Variants in AIG1 observed in about 807,000 individuals in gnomAD.
AIG1 encodes androgen-induced gene 1 protein.
Under a neutral mutation model 31.4 loss-of-function variants are expected in AIG1, and 23 were observed. The ratio of observed to expected loss-of-function variants is 0.73; its 90% CI spans 0.53 to 1.04. The LOEUF (loss-of-function observed/expected upper bound fraction) is 1.04. AIG1 is among the 50% of genes least tolerant of loss of function. The pLI, the probability that AIG1 is intolerant of heterozygous loss-of-function variation, is 0.00. For missense variants in AIG1, 274 were observed against 295.0 expected (o/e 0.93, Z 0.52); for synonymous variants, 100 against 110.5 (o/e 0.90, Z 0.60).
intron 2 of AIG1, among the ~76,000 whole-genome samples, chr6:143,147,845 GA>G (rs1363089184): frequency 6.6e-6 from 1 of 152,104 alleles, no homozygotes; most frequent in African/African-American, 2.4e-5. Flanking sequence ...CCAAGAGCCT[GA>G]AAAATGGAAT....
chr6:143,341,935 T>C (rs1777865258), downstream of AIG1, among the ~76,000 whole-genome samples: 1 of 152,202 alleles, frequency 6.6e-6, no homozygotes, highest in Admixed American at 6.5e-5. Context: ...AAATTTTTTT[T>C]TGTTTTTGAA....
At chr6:143,200,543 T>C (rs769889809) in intron 3 of AIG1, among the ~76,000 whole-genome samples, 6 of 152,144 alleles carry the variant, frequency 3.9e-5, no homozygotes, top group Admixed American at 1.3e-4. Context: ...TTGACTTCCA[T>C]TCATCTTTCA....
rs139130771 is a variant in AIG1, at chr6:143,297,489, CTTGGGTGGTTGGATGGATGG to C, written c.515+13301_515+13320del. Among the ~76,000 whole-genome samples, 66,929 of 149,890 alleles carry C rather than the reference CTTGGGTGGTTGGATGGATGG, an allele frequency of 0.45. 15,322 individuals carry two copies. The highest frequency in any genetic ancestry group is 0.66 in the South Asian group (3,097 of 4,686). On this transcript the variant is annotated intron_variant, in intron 4 of 5. Coordinates refer to ENST00000357847, the MANE Select transcript of AIG1 (RefSeq NM_016108.4). This position sits in a 1 kb window ranked among gnomAD's most constrained non-coding sequence, Gnocchi z 5.1. ...GGTTGGTTGGTTGGTTGGATGGTTT[CTTGGGTGGTTGGATGGATGG>C]TTGGGTGGTTGGATGGATGGTTGGG...
At chr6:143,137,166 G>T (rs1783838107) in intron 2 of AIG1, among the ~76,000 whole-genome samples, 176 bp downstream of exon 2, 1 of 152,168 alleles carries the variant, frequency 6.6e-6, no homozygotes, top group Non-Finnish European at 1.5e-5. Context: ...TCGTAGTTCT[G>T]GAGGCTGAAG....
intron 3 of AIG1, among the ~76,000 whole-genome samples, chr6:143,225,234 C>G (rs924416683): frequency 1.3e-5 from 2 of 152,178 alleles, no homozygotes; most frequent in Admixed American, 1.3e-4. Context: ...AGCTCTCCCC[C>G]ACCCTAAATT....
At chr6:143,070,369 G>A (rs1777136515) in intron 1 of AIG1, among the ~76,000 whole-genome samples, 1 of 151,946 alleles carries the variant, frequency 6.6e-6, no homozygotes, top group Admixed American at 6.6e-5. Flanking sequence ...GTAGTTTTCA[G>A]CATATAGTTT....
chr6:143,249,127 G>T (rs1028280701), intron 3 of AIG1, among the ~76,000 whole-genome samples: 6 of 152,180 alleles, frequency 3.9e-5, no homozygotes, highest in African/African-American at 1.2e-4. Context: ...TAAATACATT[G>T]CAGTTTTTAC....
chr6:143,227,376 TGCCCCGTGCCCC>T (rs1793068882), intron 3 of AIG1, among the ~76,000 whole-genome samples: 1 of 151,970 alleles, frequency 6.6e-6, no homozygotes, highest in African/African-American at 2.4e-5. Flanking sequence ...CCCGTGCCCC[TGCCCCGTGCCCC>T]TCCTTCATCC....
At chr6:143,092,705 A>G (rs892232089) in intron 1 of AIG1, among the ~76,000 whole-genome samples, 4 of 152,102 alleles carry the variant, frequency 2.6e-5, no homozygotes, top group African/African-American at 9.7e-5. Context: ...CCTCAACTTC[A>G]AGTCACCAGT....
intron 1 of AIG1, among the ~76,000 whole-genome samples, chr6:143,128,606 T>C (rs1782907409): frequency 6.6e-6 from 1 of 152,228 alleles, no homozygotes; most frequent in African/African-American, 2.4e-5. Context: ...AGTCGAATAA[T>C]ACTTCAAGGT....
chr6:143,157,155 A>T (rs574494658), intron 2 of AIG1, among the ~76,000 whole-genome samples: 7 of 152,276 alleles, frequency 4.6e-5, no homozygotes, highest in Non-Finnish European at 8.8e-5. Context: ...AATGAAATTA[A>T]AAAACCTTTT....
intron 1 of AIG1, among the ~76,000 whole-genome samples, chr6:143,092,256 C>T (rs180841584): frequency 6.0e-5 from 9 of 151,112 alleles, no homozygotes; most frequent in African/African-American, 1.9e-4. Flanking sequence ...AGGTGTGCAT[C>T]ACCATGCTGG....
intron 2 of AIG1, among the ~76,000 whole-genome samples, chr6:143,158,210 A>C (rs1785988064): frequency 6.6e-6 from 1 of 152,162 alleles, no homozygotes. Flanking sequence ...GTACACCCAC[A>C]TCCTGCTCTG....
intron 1 of AIG1, among the ~76,000 whole-genome samples, chr6:143,113,048 C>A (rs1781424290): frequency 6.6e-6 from 1 of 152,022 alleles, no homozygotes. Flanking sequence ...GCTGACTGGG[C>A]ATGGTGGCTC....
chr6:143,186,397 T>G (rs1287793211), intron 3 of AIG1, among the ~76,000 whole-genome samples: 1 of 152,238 alleles, frequency 6.6e-6, no homozygotes, highest in East Asian at 1.9e-4. Context: ...TTCAGATATG[T>G]GTAAACCTGG....
At chr6:143,131,050 C>A (rs932150397) in intron 1 of AIG1, among the ~76,000 whole-genome samples, 1 of 152,156 alleles carries the variant, frequency 6.6e-6, no homozygotes, top group Non-Finnish European at 1.5e-5. Flanking sequence ...TTTTAACCAA[C>A]GTTACATTTA....
chr6:143,082,787 A>C (rs1778391149), intron 1 of AIG1, among the ~76,000 whole-genome samples: 2 of 151,640 alleles, frequency 1.3e-5, no homozygotes, highest in South Asian at 4.2e-4. Context: ...CTGTGTAAGG[A>C]CTCTTAGAGC....
chr6:143,324,644 A>G (rs1004855600), intron 4 of AIG1, among the ~76,000 whole-genome samples: 6 of 152,182 alleles, frequency 3.9e-5, no homozygotes, highest in African/African-American at 1.4e-4. Flanking sequence ...TACTAATACA[A>G]TACCTTCTCC....
chr6:143,303,618 G>A (rs1799003491), intron 4 of AIG1, among the ~76,000 whole-genome samples: 1 of 150,842 alleles, frequency 6.6e-6, no homozygotes, highest in Non-Finnish European at 1.5e-5. Flanking sequence ...ATGCTGTTTT[G>A]GTTACTGTAG....
Sources: allele counts gnomAD v4.1 joint callset (sites outside exome capture counted in the v4.1 genomes callset), GRCh38; gene constraint gnomAD v4.1.1; non-coding constraint Gnocchi (gnomAD v3.1); transcripts MANE v1.5; gene names NCBI Gene and HGNC (gene_info 2026-07-23, HGNC 2026-07-21).